The following LTBP2 variants were observed in gnomAD, a reference collection of about 807,000 sequenced individuals.
LTBP2 encodes latent-transforming growth factor beta-binding protein 2.
LTBP2 carries 103 observed loss-of-function variants against 210.6 expected under a neutral mutation model. That is an observed-to-expected ratio of 0.49 (90% CI 0.42 to 0.58). LTBP2 has a LOEUF of 0.58. Ranked by LOEUF, LTBP2 falls within the 20% of genes least tolerant of loss-of-function variation. LTBP2 has a pLI of 0.00. For synonymous variants in LTBP2, 1,007 were observed against 1,015.0 expected, an observed-to-expected ratio of 0.99 and a Z score of 0.15; for missense variants, 2,313 against 2,494.5, an observed-to-expected ratio of 0.93 and a Z score of 1.55.
At chr14:74,582,393 TACATAC>T (rs1416116447) in intron 3 of LTBP2, among the ~76,000 whole-genome samples, 64 of 87,596 alleles carry the variant, frequency 7.3e-4, no homozygotes, top group African/African-American at 2.8e-3. Context: ...CACACACACA[TACATAC>T]ACACACACAC....
chr14:74,556,552 C>T (rs990884004), intron 3 of LTBP2, among the ~76,000 whole-genome samples: 2 of 152,286 alleles, frequency 1.3e-5, no homozygotes, highest in Non-Finnish European at 1.5e-5. Context: ...GTTTTGCTCT[C>T]GTTGCCCAAG....
At chr14:74,547,456 G>A (rs2087591943) in intron 8 of LTBP2, among the ~76,000 whole-genome samples, 1 of 152,142 alleles carries the variant, frequency 6.6e-6, no homozygotes, top group Admixed American at 6.5e-5. Context: ...GGGATTCTGA[G>A]AAGGCCCTTC....
In LTBP2 at chr14:74,504,823, T is replaced by A; in HGVS notation, c.4408A>T (p.Ile1470Phe). ...SEICPSGKGY[I>F]PVEGAWTFGQ... is the part of the protein sequence containing the mutation. ...AACGTCCAGGCTCCTTCCACAGGAA[T>A]GTAGCCTTTTCCACTAGGGCAGATC... The change falls in exon 30 of 36, where the codon ATT (isoleucine) becomes TTT (phenylalanine). Residue 1470 changes from isoleucine (I) to phenylalanine (F), a missense_variant. Transcript: ENST00000261978. The A allele has an allele frequency of 6.8e-6, 11 of 1,614,224 alleles. No individual in the cohort carries two copies. The highest frequency in any genetic ancestry group is 9.3e-6 in the Non-Finnish European group (11 of 1,180,034).
chr14:74,527,323 C>G (rs1476064154), intron 13 of LTBP2, 24 bp downstream of exon 13: 1 of 1,609,958 alleles, frequency 6.2e-7, no homozygotes, highest in Non-Finnish European at 8.5e-7. Flanking sequence ...CTTGCCCGGC[C>G]CCCTAGTGGG....
chr14:74,593,355 A>G (rs1425467525), intron 2 of LTBP2, among the ~76,000 whole-genome samples: 1 of 152,176 alleles, frequency 6.6e-6, no homozygotes, highest in African/African-American at 2.4e-5. Context: ...CGGGGGCAGG[A>G]GGATTGGTTT....
At chr14:74,590,577 G>A (rs2088268498) in intron 2 of LTBP2, among the ~76,000 whole-genome samples, 1 of 152,128 alleles carries the variant, frequency 6.6e-6, no homozygotes, top group Non-Finnish European at 1.5e-5. Context: ...GGGCGACAGT[G>A]AGACTCTGCC....
chr14:74,504,060 G>T lies in LTBP2; in HGVS notation c.4454-6C>A, dbSNP rs1333307481. On this transcript the variant is annotated splice_region_variant and splice_polypyrimidine_tract_variant and intron_variant, in intron 30 of 35. Transcript: ENST00000261978. ...TATCACACACTCATCCGCATCTGTG[G>T]AAGGCAGAGCTGAGGTGAGAGGAAG... 1 of 1,613,804 alleles carries T rather than the reference G, an allele frequency of 6.2e-7. No homozygotes were observed. Among genetic ancestry groups the T allele is most frequent in the Non-Finnish European group, 8.5e-7 (1 of 1,179,970 alleles).
intron 8 of LTBP2, among the ~76,000 whole-genome samples, chr14:74,539,383 C>T (rs1445190668): frequency 2.0e-5 from 3 of 152,032 alleles, no homozygotes; most frequent in Non-Finnish European, 2.9e-5. Flanking sequence ...GCCAGCAGGC[C>T]GGAAAGGTAT....
rs369272245 is a variant in LTBP2, at chr14:74,525,759, G to A, written c.2428+316C>T. ...GACCTCTTGGGGGAAAGAGTCTAGC[G>A]ACCCAGCCAAACACCTGTTTCAGCT... On this transcript the variant is annotated intron_variant, in intron 14 of 35. Transcript: ENST00000261978. Among the ~76,000 whole-genome samples the A allele has an allele frequency of 1.1e-3, 162 of 152,274 alleles. 1 individual carries two copies. The highest frequency in any genetic ancestry group is 3.8e-3 in the African/African-American group (156 of 41,548).
At position 74,522,954 on chromosome 14, in the gene LTBP2, G is replaced by A. The variant is rs774243884; in HGVS notation, c.2531-36C>T. On this transcript the variant is annotated intron_variant, in intron 15 of 35. Coordinates refer to ENST00000261978, the MANE Select transcript of LTBP2 (RefSeq NM_000428.3). Reference sequence around the variant, plus strand: ...CAGAGCAAAACAGAGGTTATGGCAGGGTGGGTGCTGGACAAAGGCAGTGGA... The same window carrying A: ...CAGAGCAAAACAGAGGTTATGGCAGAGTGGGTGCTGGACAAAGGCAGTGGA... 24 of 1,601,440 alleles carry A rather than the reference G, an allele frequency of 1.5e-5. No individual in the cohort carries two copies. The South Asian group carries it at 1.9e-4, about 13-fold the overall frequency.
intron 3 of LTBP2, among the ~76,000 whole-genome samples, chr14:74,577,505 T>TC (rs1491103806): frequency 3.5e-5 from 4 of 115,132 alleles, no homozygotes; most frequent in African/African-American, 1.4e-4. Context: ...CCATTATCTC[T>TC]TTTTTTTTTT....
chr14:74,502,515 T>C, intron 34 of LTBP2, 138 bp downstream of exon 34: 1 of 1,208,268 alleles, frequency 8.3e-7, no homozygotes, highest in Non-Finnish European at 1.2e-6. Flanking sequence ...AAGCGAGCCG[T>C]GAACGGGGAC....
chr14:74,603,501 A>G, intron 2 of LTBP2, 134 bp downstream of exon 2: 1 of 858,360 alleles, frequency 1.2e-6, no homozygotes, highest in Non-Finnish European at 2.0e-6. Context: ...CTGCATCTTC[A>G]GGACGCAGAC....
At chr14:74,501,133 C>T (rs556951890) in intron 35 of LTBP2, 104 bp from the exon 36 acceptor site, 43 of 1,382,576 alleles carry the variant, frequency 3.1e-5, no homozygotes, top group Non-Finnish European at 4.2e-5. Flanking sequence ...AGAGTGAAAC[C>T]CTAAGTGTGA....
rs551303513 is a variant in LTBP2 at position 74,532,280 on chromosome 14, A to G, written c.1987+146T>C. On this transcript the variant is annotated intron_variant, in intron 10 of 35. Coordinates refer to ENST00000261978, the MANE Select transcript of LTBP2 (RefSeq NM_000428.3). ...GATCAGGTTTTTCACATTGGGCCCA[A>G]CTCCAGGTTGAATAGCCGACACAGG... is the stretch of plus-strand genomic sequence containing the variant. 9.9e-5 allele frequency: 109 copies of G among 1,104,488 alleles called. No individual in the cohort carries two copies. In the African/African-American group the frequency reaches 1.4e-3, roughly 14 times the overall value. 68.4% of individuals were successfully genotyped at this position (1,104,488 alleles called of 1,614,324 possible).
Position 74,611,523 on chromosome 14 carries a change from G to C in LTBP2, c.422C>G (p.Ala141Gly), listed in dbSNP as rs765922047. 7 of 1,543,750 alleles carry C rather than the reference G, an allele frequency of 4.5e-6. No homozygotes were observed. The highest frequency in any genetic ancestry group is 1.9e-5 in the Admixed American group (1 of 51,638). The change falls in exon 1 of 36, where the codon GCT (alanine) becomes GGT (glycine). Residue 141 changes from alanine (A) to glycine (G), a missense_variant. Physicochemically the swap from Ala to Gly is moderately conservative, Grantham distance 60. Around this residue, in one of 3 missense-constraint regions of LTBP2, gnomAD observed 1,867 missense variants for 1,976.9 expected, o/e 0.94. Transcript: ENST00000261978. ...CTGTGGGGTCCCCAGGCGTGGGAGA[G>C]CCGGCGCGGCCCGGGTCCGGGGTGC... ...QPAPRTRAAP[A>G]LPRLGTPQRS...
At chr14:74,533,211 T>A (rs2087374611) in intron 9 of LTBP2, among the ~76,000 whole-genome samples, 1 of 152,242 alleles carries the variant, frequency 6.6e-6, no homozygotes, top group African/African-American at 2.4e-5. Context: ...TAACATATAA[T>A]ACCCCATTTA....
Position 74,502,928 on chromosome 14 carries a change from T to C in LTBP2, c.4895A>G (p.Tyr1632Cys), listed in dbSNP as rs1018493180. 6 of 1,611,710 alleles carry C rather than the reference T, an allele frequency of 3.7e-6. No individual in the cohort carries two copies. Among genetic ancestry groups the C allele is most frequent in the Non-Finnish European group, 5.1e-6 (6 of 1,179,930 alleles). ...ALCPPRSSEVYAQLCNVARIE... is the reference protein window; with the variant it reads ...ALCPPRSSEVCAQLCNVARIE... ...GCGAGCCACGTTGCACAGCTGAGCA[T>C]AGACCTCTGTCAGGGAGGAGGGAGA... The change falls in exon 34 of 36, where the codon TAT (tyrosine) becomes TGT (cysteine). Residue 1632 changes from tyrosine (Y) to cysteine (C), a missense_variant. This residue lies in a region of LTBP2 where 443 missense variants were observed against 501.4 expected (regional missense o/e 0.88). Coordinates refer to ENST00000261978, the MANE Select transcript of LTBP2 (RefSeq NM_000428.3).
chr14:74,577,368 A>T (rs574348001), intron 3 of LTBP2, among the ~76,000 whole-genome samples: 61 of 152,296 alleles, frequency 4.0e-4, no homozygotes, highest in Non-Finnish European at 7.5e-4. Flanking sequence ...GGTGTCAGGG[A>T]CAGCGAAGGT....
Sources: gnomAD v4.1 joint callset for allele counts (sites outside exome capture counted in the v4.1 genomes callset) on GRCh38, gnomAD v4.1.1 for gene constraint, gnomAD v4.1.1 regional missense constraint, MANE v1.5 for transcripts, NCBI Gene and HGNC (gene_info 2026-07-23, HGNC 2026-07-21) for gene names.